The following RAB38 variants were observed in gnomAD, a reference collection of about 807,000 sequenced individuals.
The protein encoded by RAB38 is RAB38, member RAS oncogene family.
RAB38 carries 15 observed loss-of-function variants against 18.4 expected under a neutral mutation model. The observed-to-expected ratio is 0.82, with a 90% CI of 0.55 to 1.26. The LOEUF (loss-of-function observed/expected upper bound fraction) is 1.26, where lower values mean the gene tolerates loss of function less well. Ranked by LOEUF, RAB38 falls within the 50% of genes most tolerant of loss-of-function variation. RAB38 has a pLI of 0.00. For synonymous variants in RAB38, 101 were observed against 104.4 expected (o/e 0.97, Z 0.20); for missense variants, 294 against 267.4 (o/e 1.10, Z -0.69).
the RAB38 span, among the ~76,000 whole-genome samples, chr11:87,813,682 C>T: frequency 3.9e-5 from 6 of 152,048 alleles, no homozygotes; most frequent in Non-Finnish European, 5.9e-5. Context: ...AAGCAACTTT[C>T]GTACCATATT....
the RAB38 span, among the ~76,000 whole-genome samples, chr11:87,978,067 T>A: frequency 8.9e-6 from 1 of 112,922 alleles, no homozygotes; most frequent in East Asian, 2.8e-4. Context: ...ATATACATCA[T>A]ATATAAATAT....
chr11:87,818,869 C>A, the RAB38 span, among the ~76,000 whole-genome samples: 2 of 152,154 alleles, frequency 1.3e-5, no homozygotes. Flanking sequence ...AACTCCAGAC[C>A]CATCAAGAAT....
chr11:88,078,193 G>A, the RAB38 span, among the ~76,000 whole-genome samples: 1 of 151,934 alleles, frequency 6.6e-6, no homozygotes, highest in Non-Finnish European at 1.5e-5. Context: ...AGAGAAAAAG[G>A]AACCCTCATA....
At chr11:87,866,780 T>G in the RAB38 span, among the ~76,000 whole-genome samples, 22 of 151,894 alleles carry the variant, frequency 1.4e-4, no homozygotes, top group African/African-American at 4.1e-4. Flanking sequence ...GCTCACAGAA[T>G]GACTTCGACA....
chr11:87,940,179 A>AG, the RAB38 span, among the ~76,000 whole-genome samples: 21 of 151,044 alleles, frequency 1.4e-4, no homozygotes, highest in South Asian at 4.2e-4. Context: ...AAAAAAAAAA[A>AG]AGAGAGAGAG....
chr11:87,896,693 T>A, the RAB38 span, among the ~76,000 whole-genome samples: 1 of 151,654 alleles, frequency 6.6e-6, no homozygotes, highest in Non-Finnish European at 1.5e-5. Context: ...GAGTCAGACA[T>A]GGGTTCAGGT....
chr11:88,009,307 A>G, the RAB38 span, among the ~76,000 whole-genome samples: 52 of 152,202 alleles, frequency 3.4e-4, no homozygotes, highest in Non-Finnish European at 5.6e-4. Flanking sequence ...AAGCAGTCTC[A>G]GAAGTGTCAT....
the RAB38 span, among the ~76,000 whole-genome samples, chr11:87,850,145 T>A: frequency 3.3e-5 from 5 of 152,158 alleles, no homozygotes; most frequent in African/African-American, 1.2e-4. Context: ...CCTATCAGTT[T>A]AGTTGTTTTG....
At chr11:87,897,690 A>G in the RAB38 span, among the ~76,000 whole-genome samples, 1 of 151,690 alleles carries the variant, frequency 6.6e-6, no homozygotes, top group Admixed American at 6.6e-5. Flanking sequence ...TGAGAAAGAA[A>G]GAATGGCTTT....
the RAB38 span, among the ~76,000 whole-genome samples, chr11:88,058,398 G>A: frequency 6.6e-6 from 1 of 152,188 alleles, no homozygotes; most frequent in African/African-American, 2.4e-5. Context: ...GGGAGCATCT[G>A]CAACTTTGAG....
At chr11:88,140,431 A>C (rs190421035) in intron 2 of RAB38, among the ~76,000 whole-genome samples, 1 of 152,368 alleles carries the variant, frequency 6.6e-6, no homozygotes, top group East Asian at 1.9e-4. Context: ...AAGGCAGTGC[A>C]TCAAAATATT....
At chr11:87,871,464 T>C in the RAB38 span, among the ~76,000 whole-genome samples, 4 of 151,684 alleles carry the variant, frequency 2.6e-5, no homozygotes, top group Non-Finnish European at 5.9e-5. Context: ...CAAATACACA[T>C]GCACACAGTC....
chr11:87,966,788 T>C, the RAB38 span, among the ~76,000 whole-genome samples: 1,909 of 152,334 alleles, frequency 0.013, 37 homozygotes, highest in African/African-American at 0.044. Flanking sequence ...TTATCTGAGA[T>C]AGTTTCTCTA....
At chr11:87,957,478 G>C in the RAB38 span, among the ~76,000 whole-genome samples, 6 of 152,094 alleles carry the variant, frequency 3.9e-5, no homozygotes, top group African/African-American at 1.4e-4. Flanking sequence ...TTTATTCTAA[G>C]TCTGATGAAA....
At chr11:88,017,989 CTCTCT>C in the RAB38 span, among the ~76,000 whole-genome samples, 15 of 151,972 alleles carry the variant, frequency 9.9e-5, no homozygotes, top group African/African-American at 3.4e-4. Flanking sequence ...CCTGCACAAG[CTCTCT>C]TCTCTTGTCT....
At chr11:87,864,513 C>CTTGT in the RAB38 span, among the ~76,000 whole-genome samples, 48 of 151,468 alleles carry the variant, frequency 3.2e-4, no homozygotes, top group African/African-American at 1.1e-3. Context: ...ACATAATATT[C>CTTGT]TTGTTTCATG....
the RAB38 span, among the ~76,000 whole-genome samples, chr11:87,938,361 T>TAAGGGG: frequency 6.6e-6 from 1 of 152,032 alleles, no homozygotes; most frequent in African/African-American, 2.4e-5. Flanking sequence ...ACTGACACCA[T>TAAGGGG]AAGGGGAAGT....
the RAB38 span, among the ~76,000 whole-genome samples, chr11:88,079,085 T>C: frequency 3.6e-4 from 54 of 151,522 alleles, no homozygotes; most frequent in Non-Finnish European, 2.8e-4. Context: ...ATGGGAAGAA[T>C]TAATCAAGAT....
chr11:88,159,896 C>T lies in RAB38; in HGVS notation c.203-9941G>A, dbSNP rs183062938. ...GAAACCTAGAAGAAAACCTAGGAAA[C>T]GCCATTCTGGACATCAGCCTTGGGA... On this transcript the variant is annotated intron_variant, in intron 1 of 2. Transcript: ENST00000243662. Among the ~76,000 whole-genome samples the T allele has an allele frequency of 2.9e-3, 448 of 151,892 alleles. 2 individuals carry two copies. Among genetic ancestry groups the T allele is most frequent in the African/African-American group, 9.5e-3 (396 of 41,510 alleles).
Sources: gnomAD v4.1 joint callset for allele counts (sites outside exome capture counted in the v4.1 genomes callset) on GRCh38, gnomAD v4.1.1 for gene constraint, MANE v1.5 for transcripts, NCBI Gene and HGNC (gene_info 2026-07-23, HGNC 2026-07-21) for gene names.